The following CC2D1A variants were observed in gnomAD, a reference collection of about 807,000 sequenced individuals.
CC2D1A encodes the protein coiled-coil and C2 domain containing 1A, also known as coiled-coil and C2 domain-containing protein 1A.
In CC2D1A, 68 loss-of-function variants were observed where a neutral mutation model predicts 123.8. That is an observed-to-expected ratio of 0.55 (90% CI 0.45 to 0.67). The LOEUF is 0.67. CC2D1A is among the 30% of genes least tolerant of loss of function. CC2D1A has a pLI of 0.00. For synonymous variants in CC2D1A, 477 were observed against 528.0 expected (o/e 0.90, Z 1.32); for missense variants, 1,185 against 1,290.3 (o/e 0.92, Z 1.25).
intron 4 of CC2D1A, 86 bp from the exon 5 acceptor site, chr19:13,913,082 A>G (rs1971060414): frequency 7.2e-7 from 1 of 1,392,474 alleles, no homozygotes. Context: ...CAGGGATGAC[A>G]TGGGGCCGAC....
At position 13,930,773 on chromosome 19, in the gene CC2D1A, A is replaced by C; in HGVS notation, c.*378A>C. On this transcript the variant is annotated 3_prime_UTR_variant, in exon 29 of 29. Coordinates refer to ENST00000318003, the MANE Select transcript of CC2D1A (RefSeq NM_017721.5). This position sits in a 1 kb window ranked among gnomAD's most constrained non-coding sequence, Gnocchi z 6.8. ...CCCAAAGCCCTCCTGCACCCCAAAG[A>C]AGCCACTGAGGCTGGCCGAGCCACA... 1 of 299,744 alleles carries C rather than the reference A, an allele frequency of 3.3e-6. No homozygotes were observed. Among genetic ancestry groups the C allele is most frequent in the Middle Eastern group, 9.5e-4 (1 of 1,052 alleles). 18.6% of individuals were successfully genotyped at this position (299,744 alleles called of 1,614,324 possible).
At chr19:13,915,927 T>G (rs1971189339) in intron 6 of CC2D1A, among the ~76,000 whole-genome samples, 1 of 152,084 alleles carries the variant, frequency 6.6e-6, no homozygotes, top group Non-Finnish European at 1.5e-5. Context: ...ACATTTCTGG[T>G]AGAATTTTGC....
rs2145329690 is a variant in CC2D1A at position 13,918,755 on chromosome 19, C to T, written c.956C>T (p.Pro319Leu). ...SCLPPPPDQLPPDPPSPPSQP... is the reference protein window; with the variant it reads ...SCLPPPPDQLLPDPPSPPSQP... ...ACCTCTCTGTCCCCAGACCAGCTGC[C>T]CCCAGACCCACCGTCACCACCGTCG... The change falls in exon 9 of 29, where the codon CCC becomes CTC. Residue 319 changes from proline (P) to leucine (L), a missense_variant. Transcript: ENST00000318003. 1.2e-6 allele frequency: 2 copies of T among 1,611,844 alleles called. No homozygotes were observed. The highest frequency in any genetic ancestry group is 1.7e-6 in the Non-Finnish European group (2 of 1,178,980).
chr19:13,912,608 A>T lies in CC2D1A; in HGVS notation c.378+15A>T. ...CTGTGGCCCAGGTACAGTTTGGATG[A>T]CTCCACTCCCTTGAACCACAACCCA... On this transcript the variant is annotated intron_variant, in intron 4 of 28. Coordinates refer to ENST00000318003, the MANE Select transcript of CC2D1A (RefSeq NM_017721.5). 6.2e-7 allele frequency: 1 copy of T among 1,612,978 alleles called. No individual in the cohort carries two copies. The highest frequency in any genetic ancestry group is 1.7e-5 in the Admixed American group (1 of 59,956).
At chr19:13,927,100 C>A in intron 21 of CC2D1A, 23 bp downstream of exon 21, 1 of 1,611,718 alleles carries the variant, frequency 6.2e-7, no homozygotes, top group Non-Finnish European at 8.5e-7. Context: ...GAGCCATGGC[C>A]GCTGGGTGGG....
At chr19:13,920,983 A>T in intron 14 of CC2D1A, 61 bp downstream of exon 14, 5 of 1,483,212 alleles carry the variant, frequency 3.4e-6, no homozygotes, top group Non-Finnish European at 4.5e-6. Context: ...CCTGCCCCTT[A>T]GCAGCCACGT....
At chr19:13,929,269 T>G in intron 24 of CC2D1A, 110 bp from the exon 25 acceptor site, 2 of 1,135,246 alleles carry the variant, frequency 1.8e-6, no homozygotes, top group Non-Finnish European at 2.6e-6. Context: ...CCTCCCAAAG[T>G]GCAGGGATTA....
intron 24 of CC2D1A, 61 bp downstream of exon 24, chr19:13,928,249 G>A: frequency 1.4e-6 from 2 of 1,453,792 alleles, no homozygotes; most frequent in Non-Finnish European, 1.9e-6. Flanking sequence ...AGCCCCACCT[G>A]GACAGTTTCC....
chr19:13,908,125 C>T (rs1456137037), intron 1 of CC2D1A, among the ~76,000 whole-genome samples: 1 of 152,210 alleles, frequency 6.6e-6, no homozygotes, highest in East Asian at 1.9e-4. Context: ...CCTGCCTCAG[C>T]CTCCCGAGTA....
chr19:13,921,007 A>ACC (rs1568414292), intron 14 of CC2D1A, 85 bp downstream of exon 14: 32 of 1,312,206 alleles, frequency 2.4e-5, no homozygotes, highest in Non-Finnish European at 3.3e-5. Context: ...CTAGAAGTGT[A>ACC]TTAGTCAAGG....
intron 19 of CC2D1A, 34 bp downstream of exon 19, chr19:13,926,759 C>G: frequency 1.9e-6 from 3 of 1,614,006 alleles, no homozygotes; most frequent in Non-Finnish European, 2.5e-6. Flanking sequence ...AGGGCTGCAG[C>G]CTCAGTGGGC....
In CC2D1A at chr19:13,930,704, G is replaced by A. The variant is rs745307806; in HGVS notation, c.*309G>A. 26 of 478,758 alleles carry A rather than the reference G, an allele frequency of 5.4e-5. No individual in the cohort carries two copies. Among genetic ancestry groups the A allele is most frequent in the Non-Finnish European group, 8.5e-5 (23 of 271,958 alleles). The allele number at this position is 478,758 out of a possible 1,614,324, so 29.7% of individuals were successfully genotyped here. On this transcript the variant is annotated 3_prime_UTR_variant, in exon 29 of 29. Coordinates refer to ENST00000318003, the MANE Select transcript of CC2D1A (RefSeq NM_017721.5). This position sits in a 1 kb window ranked among gnomAD's most constrained non-coding sequence, Gnocchi z 6.8. ...AGGGTGGCTGGGGCCAAGCCCCGAG[G>A]GCCCCTGCAAGCACTTTACTTCCTG... is the stretch of plus-strand genomic sequence containing the variant.
rs1479542042 is a variant in CC2D1A at position 13,930,139 on chromosome 19, C to T, written c.2772C>T (p.Gly924=). Residue 924 remains glycine, a synonymous_variant, in exon 27 of 29, where the codon GGC becomes GGT. Transcript: ENST00000318003. This position sits in a 1 kb window ranked among gnomAD's most constrained non-coding sequence, Gnocchi z 6.8. ...ACACGGAGGCTGCCCGGCGCCTGGG[C>T]AACGATGGCAGCAGGGTGAGCTGGT... is the stretch of plus-strand genomic sequence containing the variant. ...QFYTEAARRL[G]NDGSRDAAKE... is the part of the protein sequence containing the mutation. 14 of 1,612,766 alleles carry T rather than the reference C, an allele frequency of 8.7e-6. No individual in the cohort carries two copies. The Admixed American group carries it at 2.3e-4, about 27-fold the overall frequency.
Position 13,926,714 on chromosome 19 carries a change from T to C in CC2D1A, c.2062T>C (p.Tyr688His), listed in dbSNP as rs1971656215. The change falls in exon 19 of 29, where the codon TAT becomes CAT. Residue 688 changes from tyrosine to histidine, a missense_variant. Tyr to His is a moderately conservative substitution (Grantham distance 83, BLOSUM62 2). Coordinates refer to ENST00000318003, the MANE Select transcript of CC2D1A (RefSeq NM_017721.5). ...LDVFVRFDFP[Y>H]PNVEEAQKDK... ...TGTCTTTGTTCGGTTTGACTTCCCC[T>C]ATCCCAACGTGGTACGTGGGGAGCT... 5.0e-6 allele frequency: 8 copies of C among 1,614,152 alleles called. No homozygotes were observed. Among genetic ancestry groups the C allele is most frequent in the Non-Finnish European group, 6.8e-6 (8 of 1,180,020 alleles).
At position 13,912,694 on chromosome 19, in the gene CC2D1A, C is replaced by T. The variant is rs547661347; in HGVS notation, c.378+101C>T. The T allele has an allele frequency of 3.4e-5, 42 of 1,241,478 alleles. No homozygotes were observed. In the African/African-American group the frequency reaches 5.3e-4, roughly 16 times the overall value. The allele number at this position is 1,241,478 out of a possible 1,614,324, so 76.9% of individuals were successfully genotyped here. A position where few individuals can be genotyped will look rare whatever the true frequency, so the allele number is the denominator to read the frequency against. On this transcript the variant is annotated intron_variant, in intron 4 of 28. Coordinates refer to ENST00000318003, the MANE Select transcript of CC2D1A (RefSeq NM_017721.5). ...ATGAGATGGAGTCTTGCTGTGTCAC[C>T]CAGGCTGGAGTGCAGTGGTGCCATC...
intron 17 of CC2D1A, 104 bp from the exon 18 acceptor site, chr19:13,926,413 G>T: frequency 9.6e-7 from 1 of 1,039,306 alleles, no homozygotes; most frequent in South Asian, 1.4e-5. Flanking sequence ...CCAGGGTGGG[G>T]TTTGTTCCCT....
At chr19:13,925,789 G>A (rs1026996789) in intron 17 of CC2D1A, among the ~76,000 whole-genome samples, 8 of 149,562 alleles carry the variant, frequency 5.3e-5, no homozygotes, top group Non-Finnish European at 1.0e-4. Context: ...CAGTGGTGGC[G>A]GGCAGCTGTA....
At chr19:13,909,693 A>C in intron 1 of CC2D1A, 130 bp from the exon 2 acceptor site, 1 of 1,219,788 alleles carries the variant, frequency 8.2e-7, no homozygotes, top group Non-Finnish European at 1.2e-6. Context: ...GCCTCCTGGC[A>C]CTCCCCAGGG....
intron 1 of CC2D1A, among the ~76,000 whole-genome samples, chr19:13,907,560 C>G (rs1021766913): frequency 6.6e-6 from 1 of 151,992 alleles, no homozygotes; most frequent in African/African-American, 2.4e-5. Flanking sequence ...GTAATCCCAG[C>G]TACTCGGGAG....
Sources: allele counts gnomAD v4.1 joint callset (sites outside exome capture counted in the v4.1 genomes callset), GRCh38; gene constraint gnomAD v4.1.1; non-coding constraint Gnocchi (gnomAD v3.1); transcripts MANE v1.5; gene names NCBI Gene and HGNC (gene_info 2026-07-23, HGNC 2026-07-21).